Variants in ZFHX3 observed in about 807,000 individuals in gnomAD.
ZFHX3 encodes the protein zinc finger homeobox protein 3.
Under a neutral mutation model 279.1 loss-of-function variants are expected in ZFHX3, and 42 were observed. The observed-to-expected ratio is 0.15, with a 90% CI of 0.12 to 0.19. The LOEUF is 0.19. Among genes scored for constraint, ZFHX3 ranks in the 10% least tolerant of loss-of-function variants. ZFHX3 has a pLI of 1.00. For missense variants in ZFHX3, 4,981 were observed against 4,754.0 expected, an observed-to-expected ratio of 1.05 and a Z score of -1.40; for synonymous variants, 2,293 against 1,957.8, an observed-to-expected ratio of 1.17 and a Z score of -4.52.
At chr16:73,622,582 A>G (rs1271826492) in intron 2 of ZFHX3, among the ~76,000 whole-genome samples, 1 of 151,940 alleles carries the variant, frequency 6.6e-6, no homozygotes, top group African/African-American at 2.4e-5. Context: ...AGAAAGAAAG[A>G]AAGAAAGAAT....
intron 1 of ZFHX3, among the ~76,000 whole-genome samples, chr16:73,807,619 A>ATTTTTTTTTT (rs1960314019): frequency 5.3e-5 from 5 of 93,700 alleles, no homozygotes; most frequent in African/African-American, 2.9e-4. Context: ...ACCATGCCCC[A>ATTTTTTTTTT]ATTTTTTTTT....
At chr16:73,717,529 A>G (rs572326232) in intron 1 of ZFHX3, among the ~76,000 whole-genome samples, 2 of 152,312 alleles carry the variant, frequency 1.3e-5, no homozygotes, top group Non-Finnish European at 1.5e-5. Flanking sequence ...AATCACATGG[A>G]AAACTACACT....
chr16:73,396,933 G>A (rs998349697), intron 3 of ZFHX3, among the ~76,000 whole-genome samples: 1 of 152,202 alleles, frequency 6.6e-6, no homozygotes, highest in Non-Finnish European at 1.5e-5. Flanking sequence ...ATGAGCCTAA[G>A]TGACGCCAAC....
intron 1 of ZFHX3, among the ~76,000 whole-genome samples, chr16:73,057,520 C>A (rs115161437): frequency 4.1e-5 from 6 of 146,174 alleles, no homozygotes; most frequent in African/African-American, 1.5e-4. Context: ...GTAAACAATC[C>A]CAGATTCGCG....
chr16:73,452,318 C>T (rs1329629721), intron 3 of ZFHX3, among the ~76,000 whole-genome samples: 3 of 152,148 alleles, frequency 2.0e-5, no homozygotes, highest in Admixed American at 2.0e-4. Flanking sequence ...CTCACTGAAA[C>T]ATTAATGAGA....
At chr16:73,158,056 A>G (rs375720603) in intron 5 of ZFHX3, among the ~76,000 whole-genome samples, 4 of 152,110 alleles carry the variant, frequency 2.6e-5, no homozygotes, top group East Asian at 3.9e-4. Context: ...TTTTGGAGGA[A>G]ATCATGTGGT....
chr16:73,187,036 G>T (rs948966811), intron 5 of ZFHX3, among the ~76,000 whole-genome samples: 1 of 152,086 alleles, frequency 6.6e-6, no homozygotes, highest in African/African-American at 2.4e-5. Context: ...ATCTTTCAAA[G>T]GTTGTGGAAA....
chr16:73,544,912 T>C (rs2020083541), intron 2 of ZFHX3, among the ~76,000 whole-genome samples: 1 of 152,162 alleles, frequency 6.6e-6, no homozygotes, highest in South Asian at 2.1e-4. Flanking sequence ...ACTAAAGTGC[T>C]AGTCGTGCCA....
Position 72,788,540 on chromosome 16 carries a change from C to T in ZFHX3, c.9736G>A (p.Ala3246Thr), listed in dbSNP as rs2035557905. The T allele has an allele frequency of 6.2e-7, 1 of 1,614,136 alleles. No homozygotes were observed. Among genetic ancestry groups the T allele is most frequent in the Non-Finnish European group, 8.5e-7 (1 of 1,180,030 alleles). The change falls in exon 10 of 10, where the codon GCA (alanine) becomes ACA (threonine). Residue 3246 changes from alanine (A) to threonine (T), a missense_variant. Coordinates refer to ENST00000268489, the MANE Select transcript of ZFHX3 (RefSeq NM_006885.4). ...DSEKVKEKEK[A>T]HKGKGEPLPV... ...AGGGGTTCCCCTTTCCCTTTGTGTG[C>T]CTTTTCCTTCTCCTTTACTTTCTCA...
chr16:73,401,257 T>C (rs2017245132), intron 3 of ZFHX3: 1 of 152,014 alleles, frequency 6.6e-6, no homozygotes, highest in South Asian at 2.1e-4. Context: ...CCCTCACAAA[T>C]GAAAGTGCTT....
intron 2 of ZFHX3, among the ~76,000 whole-genome samples, chr16:73,647,001 C>T (rs61576219): frequency 6.9e-6 from 1 of 145,618 alleles, no homozygotes; most frequent in African/African-American, 2.5e-5. Flanking sequence ...TGGCAGTACT[C>T]GTTGTGCCAA....
At chr16:73,610,800 C>T (rs371836369) in intron 2 of ZFHX3, among the ~76,000 whole-genome samples, 4 of 152,278 alleles carry the variant, frequency 2.6e-5, no homozygotes, top group African/African-American at 9.6e-5. Flanking sequence ...GTTTAGGATT[C>T]TGTTTATTGG....
At chr16:73,740,733 T>C (rs1442404769) in intron 1 of ZFHX3, among the ~76,000 whole-genome samples, 6 of 152,180 alleles carry the variant, frequency 3.9e-5, no homozygotes, top group Non-Finnish European at 8.8e-5. Flanking sequence ...TGATACTCAA[T>C]AGGCAAAGAC....
chr16:73,006,553 G>C (rs1257457262), intron 1 of ZFHX3, among the ~76,000 whole-genome samples: 1 of 151,862 alleles, frequency 6.6e-6, no homozygotes, highest in Non-Finnish European at 1.5e-5. Flanking sequence ...TGGAGGTCAA[G>C]GCTATAATGA....
At chr16:73,522,076 T>A (rs150376929) in intron 2 of ZFHX3, among the ~76,000 whole-genome samples, 1 of 152,210 alleles carries the variant, frequency 6.6e-6, no homozygotes, top group African/African-American at 2.4e-5. Flanking sequence ...ACTTAATGAA[T>A]ATAGGAAAGA....
At chr16:73,053,955 A>T (rs1965498611) in intron 1 of ZFHX3, among the ~76,000 whole-genome samples, 1 of 151,852 alleles carries the variant, frequency 6.6e-6, no homozygotes, top group South Asian at 2.1e-4. Flanking sequence ...CCTTCCTAAA[A>T]TGTCACCAGG....
chr16:73,539,044 T>A (rs2019962109), intron 2 of ZFHX3, among the ~76,000 whole-genome samples: 1 of 152,200 alleles, frequency 6.6e-6, no homozygotes, highest in African/African-American at 2.4e-5. Flanking sequence ...AGATTGTATG[T>A]AGGGGGAAAT....
At chr16:73,777,071 G>T (rs947710357) in intron 1 of ZFHX3, among the ~76,000 whole-genome samples, 2 of 152,114 alleles carry the variant, frequency 1.3e-5, no homozygotes, top group African/African-American at 4.8e-5. Flanking sequence ...GCATCACCAC[G>T]CTTTGTAAGA....
At chr16:73,148,184 C>G (rs1485880256) in intron 5 of ZFHX3, among the ~76,000 whole-genome samples, 1 of 152,230 alleles carries the variant, frequency 6.6e-6, no homozygotes, top group East Asian at 1.9e-4. Flanking sequence ...CTTGTTATGA[C>G]AGAGACAGCA....
Sources: gnomAD v4.1 joint callset for allele counts (sites outside exome capture counted in the v4.1 genomes callset) on GRCh38, gnomAD v4.1.1 for gene constraint, MANE v1.5 for transcripts, NCBI Gene and HGNC (gene_info 2026-07-23, HGNC 2026-07-21) for gene names.